Variants in CAMTA1 observed in about 807,000 individuals in gnomAD.
CAMTA1 encodes the protein calmodulin-binding transcription activator 1.
Under a neutral mutation model 170.9 loss-of-function variants are expected in CAMTA1, and 27 were observed. The observed-to-expected ratio is 0.16, with a 90% CI of 0.12 to 0.22. The LOEUF (loss-of-function observed/expected upper bound fraction) is 0.22, where lower values mean the gene tolerates loss of function less well. Among genes scored for constraint, CAMTA1 ranks in the 10% least tolerant of loss-of-function variants. The pLI is 1.00. For missense variants in CAMTA1, 1,619 were observed against 2,217.2 expected (o/e 0.73, Z 5.42); for synonymous variants, 833 against 891.5 (o/e 0.93, Z 1.17).
intron 4 of CAMTA1, among the ~76,000 whole-genome samples, chr1:7,191,843 C>T (rs765753066): frequency 1.3e-5 from 2 of 152,140 alleles, no homozygotes; most frequent in African/African-American, 4.8e-5. Context: ...TCTCTAAGAA[C>T]GTCCCCTTCC....
At chr1:7,548,673 T>C (rs2094744872) in intron 6 of CAMTA1, among the ~76,000 whole-genome samples, 1 of 120,370 alleles carries the variant, frequency 8.3e-6, no homozygotes, top group African/African-American at 3.0e-5. Context: ...GGGGTGGAGA[T>C]GCCCATGGAA....
At chr1:7,150,923 G>A (rs764550471) in intron 4 of CAMTA1, among the ~76,000 whole-genome samples, 1 of 152,244 alleles carries the variant, frequency 6.6e-6, no homozygotes. Flanking sequence ...GGCAGGCGCA[G>A]AGTGCTGCTC....
Position 7,767,786 on chromosome 1 carries a change from A to G in CAMTA1, c.*1295A>G, listed in dbSNP as rs2097032028. On this transcript the variant is annotated 3_prime_UTR_variant, in exon 23 of 23. Coordinates refer to ENST00000303635, the MANE Select transcript of CAMTA1 (RefSeq NM_015215.4). ...CAAAAAAACTTTATTTCACTATAAG[A>G]GTACTTTATTTTAAATGTTCTTTAG... 6.6e-6 allele frequency: 1 copy of G among 151,632 alleles called. No individual in the cohort carries two copies. The highest frequency in any genetic ancestry group is 2.1e-4 in the South Asian group (1 of 4,786). The allele number at this position is 151,632 out of a possible 1,614,324, so 9.4% of individuals were successfully genotyped here.
intron 1 of CAMTA1, among the ~76,000 whole-genome samples, chr1:6,796,616 T>G (rs907390494): frequency 1.3e-5 from 2 of 152,242 alleles, no homozygotes; most frequent in African/African-American, 4.8e-5. Flanking sequence ...CATTGTTTGA[T>G]ACTTTTATTT....
At chr1:7,672,072 G>T in intron 10 of CAMTA1, 2 of 456,058 alleles carry the variant, frequency 4.4e-6, no homozygotes, top group Non-Finnish European at 8.8e-6. Context: ...AGGATGGCCT[G>T]TCCAGTGAGC....
intron 4 of CAMTA1, among the ~76,000 whole-genome samples, chr1:7,189,520 CAT>C (rs1479439185): frequency 6.6e-6 from 1 of 152,116 alleles, no homozygotes; most frequent in African/African-American, 2.4e-5. Flanking sequence ...GGCCAACAAA[CAT>C]ATGAAAAAAT....
intron 7 of CAMTA1, among the ~76,000 whole-genome samples, chr1:7,653,180 C>T (rs749292388): frequency 2.8e-4 from 43 of 152,206 alleles, no homozygotes; most frequent in Non-Finnish European, 5.3e-4. Flanking sequence ...ACTTTGAGAA[C>T]CACTGCTCCA....
chr1:7,498,341 T>C (rs2093874324), intron 6 of CAMTA1, among the ~76,000 whole-genome samples: 2 of 148,226 alleles, frequency 1.3e-5, no homozygotes, highest in African/African-American at 5.1e-5. Flanking sequence ...TGGATGTGTA[T>C]GAGTGTGTGT....
chr1:7,483,137 C>T (rs2093564598), intron 6 of CAMTA1, among the ~76,000 whole-genome samples: 1 of 152,134 alleles, frequency 6.6e-6, no homozygotes, highest in African/African-American at 2.4e-5. Context: ...CAGCCCCCTG[C>T]AGGCTCAGGA....
At position 7,601,085 on chromosome 1, in the gene CAMTA1, G is replaced by A. The variant is rs1310407806; in HGVS notation, c.511-39315G>A. ...CGGGCAGAGGTGCCCCTCACCTCCC[G>A]GAAGGGGCGGCTGGCCGGGCCGGGG... On this transcript the variant is annotated intron_variant, in intron 6 of 22. Transcript: ENST00000303635. Among the ~76,000 whole-genome samples the A allele has an allele frequency of 1.3e-4, 19 of 147,376 alleles. No individual in the cohort carries two copies. In the East Asian group the frequency reaches 2.7e-3, roughly 21 times the overall value.
At chr1:7,429,131 G>A (rs116644597) in intron 5 of CAMTA1, among the ~76,000 whole-genome samples, 35 of 152,034 alleles carry the variant, frequency 2.3e-4, no homozygotes, top group African/African-American at 4.4e-4. Flanking sequence ...CCTGGGTTGC[G>A]ATTAGAGCCC....
At chr1:7,126,839 C>T (rs547536594) in intron 4 of CAMTA1, among the ~76,000 whole-genome samples, 49 of 152,176 alleles carry the variant, frequency 3.2e-4, no homozygotes, top group African/African-American at 1.1e-3. Flanking sequence ...GGCGTGATCT[C>T]GGCTCACTGC....
chr1:7,282,824 G>C (rs1171249328), intron 5 of CAMTA1, among the ~76,000 whole-genome samples: 2 of 152,126 alleles, frequency 1.3e-5, no homozygotes, highest in Non-Finnish European at 2.9e-5. Context: ...TGGCCATCAG[G>C]AACAATGATA....
chr1:7,043,875 T>C (rs962990762), intron 3 of CAMTA1, among the ~76,000 whole-genome samples: 2 of 152,148 alleles, frequency 1.3e-5, no homozygotes, highest in African/African-American at 4.8e-5. Context: ...AATCCCCGAG[T>C]TGCCGGAACA....
intron 6 of CAMTA1, among the ~76,000 whole-genome samples, chr1:7,484,205 G>A (rs181542899): frequency 1.3e-5 from 2 of 152,288 alleles, no homozygotes; most frequent in African/African-American, 2.4e-5. Flanking sequence ...TGGCACAGAG[G>A]GGGGCCCACC....
In CAMTA1 at chr1:7,554,834, GA is replaced by G. The variant is rs545595741; in HGVS notation, c.511-85564del. ...CCCCCCCAACCCCATGCCAAAAAAA[GA>G]AGCCAGATTTCTGTAGGGCAGAAAC... On this transcript the variant is annotated intron_variant, in intron 6 of 22. Coordinates refer to ENST00000303635, the MANE Select transcript of CAMTA1 (RefSeq NM_015215.4). 6.4e-4 allele frequency among the ~76,000 whole-genome samples: 98 copies of G among 152,114 alleles called. 1 individual carries two copies. Among genetic ancestry groups the G allele is most frequent in the African/African-American group, 2.4e-3 (98 of 41,480 alleles).
At chr1:7,170,890 A>G (rs1449862548) in intron 4 of CAMTA1, among the ~76,000 whole-genome samples, 1 of 152,170 alleles carries the variant, frequency 6.6e-6, no homozygotes, top group African/African-American at 2.4e-5. Context: ...TTTGAGACCC[A>G]GTATTGGTTC....
chr1:7,568,355 A>T (rs1017240262), intron 6 of CAMTA1, among the ~76,000 whole-genome samples: 4 of 149,884 alleles, frequency 2.7e-5, no homozygotes, highest in Non-Finnish European at 2.9e-5. Flanking sequence ...CATCACCATC[A>T]TCGACATCAC....
intron 6 of CAMTA1, among the ~76,000 whole-genome samples, chr1:7,638,233 G>A (rs1232271585): frequency 6.6e-6 from 1 of 152,176 alleles, no homozygotes; most frequent in Non-Finnish European, 1.5e-5. Context: ...AGAGGGGAAA[G>A]CAGCTTTCCT....
Sources: gnomAD v4.1 joint callset for allele counts (sites outside exome capture counted in the v4.1 genomes callset) on GRCh38, gnomAD v4.1.1 for gene constraint, MANE v1.5 for transcripts, NCBI Gene and HGNC (gene_info 2026-07-23, HGNC 2026-07-21) for gene names.